The following KLHL7 variants were observed in gnomAD, a reference collection of about 807,000 sequenced individuals.
KLHL7 encodes kelch like family member 7.
Under a neutral mutation model 67.4 loss-of-function variants are expected in KLHL7, and 44 were observed. That is an observed-to-expected ratio of 0.65 (90% CI 0.51 to 0.84). The LOEUF (loss-of-function observed/expected upper bound fraction) is 0.84. Among genes scored for constraint, KLHL7 ranks in the 40% least tolerant of loss-of-function variants. The pLI, the probability that KLHL7 is intolerant of heterozygous loss-of-function variation, is 0.00. For missense variants in KLHL7, 362 were observed against 718.1 expected (o/e 0.50, Z 5.67); for synonymous variants, 252 against 243.3 (o/e 1.04, Z -0.33).
chr7:23,145,046 T>G (rs111526974), intron 6 of KLHL7, among the ~76,000 whole-genome samples: 1,952 of 152,158 alleles, frequency 0.013, 47 homozygotes, highest in African/African-American at 0.044. Context: ...TACAGTGAGC[T>G]CTGATCCTGC....
intron 9 of KLHL7, among the ~76,000 whole-genome samples, chr7:23,171,514 C>A (rs1785160351): frequency 6.6e-6 from 1 of 152,120 alleles, no homozygotes; most frequent in African/African-American, 2.4e-5. Flanking sequence ...GGTCACTTCA[C>A]CTGGATGAGC....
intron 1 of KLHL7, among the ~76,000 whole-genome samples, chr7:23,119,817 A>G (rs1238709828): frequency 1.3e-5 from 2 of 151,408 alleles, no homozygotes; most frequent in Non-Finnish European, 2.9e-5. Context: ...CTTATTTCTC[A>G]TACAAGATAG....
chr7:23,160,644 C>T (rs186759411), intron 7 of KLHL7, among the ~76,000 whole-genome samples: 111 of 152,298 alleles, frequency 7.3e-4, no homozygotes, highest in Middle Eastern at 6.8e-3. Flanking sequence ...CCTCCCTCCT[C>T]CTCCCCAACT....
intron 1 of KLHL7, among the ~76,000 whole-genome samples, chr7:23,111,068 G>A (rs1357818097): frequency 1.3e-5 from 2 of 152,130 alleles, no homozygotes; most frequent in African/African-American, 2.4e-5. Flanking sequence ...CATTAGTCAA[G>A]TAATCACACA....
chr7:23,117,188 A>G (rs1237137217), intron 1 of KLHL7, among the ~76,000 whole-genome samples: 1 of 146,296 alleles, frequency 6.8e-6, no homozygotes, highest in African/African-American at 2.5e-5. Flanking sequence ...CCCGGGTTCA[A>G]GTGATTCTCC....
In KLHL7 at chr7:23,172,929, A is replaced by G; in HGVS notation, c.1380-19A>G. On this transcript the variant is annotated intron_variant, in intron 9 of 10. Coordinates refer to ENST00000339077, the MANE Select transcript of KLHL7 (RefSeq NM_001031710.3). ...TTACTTCCTGTAAACAAGCACACTA[A>G]AAACTTTAATTTTTTCAGATGGACT... 6.3e-7 allele frequency: 1 copy of G among 1,595,238 alleles called. No homozygotes were observed. The highest frequency in any genetic ancestry group is 2.2e-5 in the East Asian group (1 of 44,730).
intron 5 of KLHL7, among the ~76,000 whole-genome samples, chr7:23,143,093 CT>C (rs755235563): frequency 6.6e-6 from 1 of 152,042 alleles, no homozygotes; most frequent in Non-Finnish European, 1.5e-5. Flanking sequence ...AAAAAATTAA[CT>C]CAGAAAGAGA....
At chr7:23,114,078 T>C (rs550597811) in intron 1 of KLHL7, among the ~76,000 whole-genome samples, 1 of 152,348 alleles carries the variant, frequency 6.6e-6, no homozygotes, top group East Asian at 1.9e-4. Flanking sequence ...GCTAATCTAA[T>C]TAAGTTAGAA....
intron 2 of KLHL7, 127 bp downstream of exon 2, chr7:23,124,006 G>A: frequency 2.8e-6 from 2 of 706,548 alleles, no homozygotes; most frequent in Admixed American, 4.8e-5. Flanking sequence ...ACAGTGAAGA[G>A]ATTGAAAAAG....
intron 4 of KLHL7, among the ~76,000 whole-genome samples, chr7:23,130,903 CAT>C (rs1783775651): frequency 6.6e-6 from 1 of 152,138 alleles, no homozygotes; most frequent in Admixed American, 6.5e-5. Flanking sequence ...ATTCCCTTTG[CAT>C]AACAAACACA....
At chr7:23,118,027 T>C in intron 1 of KLHL7, 1 of 1,582,790 alleles carries the variant, frequency 6.3e-7, no homozygotes, top group Non-Finnish European at 8.7e-7. Context: ...GGCAGTTGAC[T>C]GCATGCCTCT....
At position 23,123,791 on chromosome 7, in the gene KLHL7, C is replaced by G. The variant is rs886891700; in HGVS notation, c.135C>G (p.Asp45Glu). 2 of 1,612,408 alleles carry G rather than the reference C, an allele frequency of 1.2e-6. No individual in the cohort carries two copies. Among genetic ancestry groups the G allele is most frequent in the Non-Finnish European group, 8.5e-7 (1 of 1,178,722 alleles). ...NNMRKQKTLC[D>E]VILMVQERKI... ...CCTTTGATTAGAAAACGTTGTGTGA[C>G]GTGATCCTCATGGTCCAGGAAAGAA... Residue 45 changes from aspartate to glutamate, a missense_variant, in exon 2 of 11, where the codon GAC becomes GAG. By Grantham distance (45) the Asp-to-Glu change is conservative. Around this residue, in one of 5 missense-constraint regions of KLHL7, gnomAD observed 57 missense variants for 81.7 expected, o/e 0.70. Transcript: ENST00000339077.
chr7:23,132,629 G>A (rs1298400255), intron 4 of KLHL7, among the ~76,000 whole-genome samples: 4 of 152,044 alleles, frequency 2.6e-5, no homozygotes, highest in African/African-American at 9.7e-5. Context: ...CCTTTACTGT[G>A]CAGAAGCTTT....
At chr7:23,112,398 G>GTA (rs1782911889) in intron 1 of KLHL7, among the ~76,000 whole-genome samples, 1 of 152,196 alleles carries the variant, frequency 6.6e-6, no homozygotes, top group Admixed American at 6.5e-5. Context: ...TGGGTTAGAT[G>GTA]TATATATTTG....
rs932591136 is a variant in KLHL7, at chr7:23,174,800, T to C, written c.*502T>C. 1 of 454,494 alleles carries C rather than the reference T, an allele frequency of 2.2e-6. No homozygotes were observed. Among genetic ancestry groups the C allele is most frequent in the African/African-American group, 2.0e-5 (1 of 50,018 alleles). The allele number at this position is 454,494 out of a possible 1,614,324, so 28.2% of individuals were successfully genotyped here. On this transcript the variant is annotated 3_prime_UTR_variant, in exon 11 of 11. Coordinates refer to ENST00000339077, the MANE Select transcript of KLHL7 (RefSeq NM_001031710.3). ...TCTATTTATTTTATTTAGTGCCAAA[T>C]GTATTCCATTTTAAAAGTAAGCCAG... is the stretch of plus-strand genomic sequence containing the variant.
At chr7:23,164,380 A>T (rs1784939554) in intron 7 of KLHL7, among the ~76,000 whole-genome samples, 1 of 152,162 alleles carries the variant, frequency 6.6e-6, no homozygotes, top group African/African-American at 2.4e-5. Context: ...CATTTAAGAG[A>T]ATGATTTAGT....
chr7:23,132,809 T>C (rs1469714424), intron 4 of KLHL7, among the ~76,000 whole-genome samples: 1 of 152,222 alleles, frequency 6.6e-6, no homozygotes, highest in Non-Finnish European at 1.5e-5. Flanking sequence ...CATTTTTATT[T>C]GAGTTTTCAT....
intron 1 of KLHL7, among the ~76,000 whole-genome samples, chr7:23,109,497 A>G (rs1782778419): frequency 1.3e-5 from 2 of 152,176 alleles, no homozygotes; most frequent in Non-Finnish European, 2.9e-5. Context: ...GTTTCTCCAC[A>G]TTAAATGAAT....
chr7:23,121,890 G>A (rs367877411), intron 1 of KLHL7, among the ~76,000 whole-genome samples: 28 of 152,104 alleles, frequency 1.8e-4, no homozygotes, highest in Admixed American at 5.9e-4. Context: ...CACTGTGTTA[G>A]CCAGGATGGT....
Sources: allele counts gnomAD v4.1 joint callset (sites outside exome capture counted in the v4.1 genomes callset), GRCh38; gene constraint gnomAD v4.1.1; regional missense constraint gnomAD v4.1.1; transcripts MANE v1.5; gene names NCBI Gene and HGNC (gene_info 2026-07-23, HGNC 2026-07-21).